BOD1L1: variants seen among roughly 807,000 people sequenced by gnomAD.
BOD1L1 encodes the protein biorientation of chromosomes in cell division protein 1-like 1.
Under a neutral mutation model 240.7 loss-of-function variants are expected in BOD1L1, and 86 were observed. That is an observed-to-expected ratio of 0.36 (90% CI 0.30 to 0.43). The LOEUF (loss-of-function observed/expected upper bound fraction) is 0.43, where lower values mean the gene tolerates loss of function less well. Among genes scored for constraint, BOD1L1 ranks in the 20% least tolerant of loss-of-function variants. BOD1L1 has a pLI of 1.00. For missense variants in BOD1L1, 3,554 were observed against 3,643.5 expected, an observed-to-expected ratio of 0.98 and a Z score of 0.63; for synonymous variants, 1,268 against 1,272.3, an observed-to-expected ratio of 1.00 and a Z score of 0.07.
At chr4:13,574,977 T>C (rs1174129301) in intron 25 of BOD1L1, among the ~76,000 whole-genome samples, 2 of 151,752 alleles carry the variant, frequency 1.3e-5, no homozygotes, top group African/African-American at 4.8e-5. Context: ...TGGAGTGCAA[T>C]GGCGTGATCT....
chr4:13,593,987 T>C (rs1385546008), intron 12 of BOD1L1, among the ~76,000 whole-genome samples: 4 of 152,200 alleles, frequency 2.6e-5, no homozygotes, highest in Non-Finnish European at 4.4e-5. Flanking sequence ...CTCAGGTTTT[T>C]GGCCAGGAAT....
At chr4:13,598,572 C>T (rs1418002410) in intron 10 of BOD1L1, among the ~76,000 whole-genome samples, 2 of 152,040 alleles carry the variant, frequency 1.3e-5, no homozygotes, top group African/African-American at 4.8e-5. Context: ...AAATGTATTG[C>T]TTTCATTGGG....
chr4:13,614,929 A>G, intron 3 of BOD1L1, 119 bp from the exon 4 acceptor site: 2 of 1,100,194 alleles, frequency 1.8e-6, no homozygotes, highest in Non-Finnish European at 2.5e-6. Context: ...GACCATCTGT[A>G]TATTCTTTTA....
At chr4:13,611,224 G>C in intron 5 of BOD1L1, 124 bp from the exon 6 acceptor site, 1 of 612,052 alleles carries the variant, frequency 1.6e-6, no homozygotes, top group Non-Finnish European at 2.7e-6. Context: ...AGGATGTGAA[G>C]ATTTCAGAAA....
rs536502574 is a variant in BOD1L1, at chr4:13,613,880, T to C, written c.1175-219A>G. 6.6e-6 allele frequency among the ~76,000 whole-genome samples: 1 copy of C among 152,268 alleles called. No homozygotes were observed. Among genetic ancestry groups the C allele is most frequent in the Admixed American group, 6.5e-5 (1 of 15,300 alleles). Reference sequence around the variant, plus strand: ...ATGTATGATATAATAATAAAATGAATTTTAAGTAACTGAAGTATTTACTAC... The same window carrying C: ...ATGTATGATATAATAATAAAATGAACTTTAAGTAACTGAAGTATTTACTAC... On this transcript the variant is annotated intron_variant, in intron 4 of 25. Transcript: ENST00000040738. The surrounding 1 kb of genome is among the most constrained non-coding windows in gnomAD (Gnocchi z 4.0).
intron 6 of BOD1L1, among the ~76,000 whole-genome samples, chr4:13,609,944 T>C (rs1373423401): frequency 1.3e-5 from 2 of 152,196 alleles, no homozygotes; most frequent in African/African-American, 4.8e-5. Flanking sequence ...GTCATTGTGC[T>C]ATTCCTACTA....
At chr4:13,598,554 T>TA (rs1045758787) in intron 10 of BOD1L1, among the ~76,000 whole-genome samples, 115 of 150,592 alleles carry the variant, frequency 7.6e-4, no homozygotes, top group African/African-American at 2.2e-3. Context: ...ATGAGGGTGG[T>TA]AAAAAAAAAA....
intron 17 of BOD1L1, among the ~76,000 whole-genome samples, chr4:13,585,519 C>T (rs147564751): frequency 1.3e-3 from 197 of 151,540 alleles, no homozygotes; most frequent in Middle Eastern, 3.4e-3. Context: ...CAACAAGAGA[C>T]GGCAGAACAC....
intron 16 of BOD1L1, 107 bp from the exon 17 acceptor site, chr4:13,586,582 T>C (rs1713709040): frequency 3.4e-6 from 2 of 595,830 alleles, no homozygotes; most frequent in Non-Finnish European, 5.5e-6. Context: ...AGGCCTGTGA[T>C]ACAGAGAAGC....
At chr4:13,615,577 C>G in intron 2 of BOD1L1, 75 bp from the exon 3 acceptor site, 2 of 1,312,116 alleles carry the variant, frequency 1.5e-6, no homozygotes, top group East Asian at 2.5e-5. Flanking sequence ...AAATAACACT[C>G]TACAATCTGT....
chr4:13,577,101 A>T, intron 24 of BOD1L1, 110 bp from the exon 25 acceptor site: 5 of 1,316,520 alleles, frequency 3.8e-6, no homozygotes, highest in Non-Finnish European at 5.2e-6. Flanking sequence ...GAGGCAGAGA[A>T]ATGGTTTTCC....
chr4:13,595,721 C>A, intron 12 of BOD1L1, 139 bp downstream of exon 12: 1 of 592,022 alleles, frequency 1.7e-6, no homozygotes, highest in Non-Finnish European at 2.9e-6. Context: ...AAGAATTCTC[C>A]CTAATCTATT....
chr4:13,618,301 T>C (rs1245392079), intron 2 of BOD1L1, among the ~76,000 whole-genome samples: 1 of 152,204 alleles, frequency 6.6e-6, no homozygotes, highest in East Asian at 1.9e-4. Flanking sequence ...CAATCATTTG[T>C]GAACAGGGAG....
intron 18 of BOD1L1, 96 bp from the exon 19 acceptor site, chr4:13,582,406 C>A (rs1577318283): frequency 7.9e-6 from 7 of 889,216 alleles, no homozygotes; most frequent in Non-Finnish European, 1.1e-5. Context: ...CCACACATAA[C>A]CACACACTCC....
In BOD1L1 at chr4:13,602,807, G is replaced by T; in HGVS notation, c.4093C>A (p.His1365Asn). The change falls in exon 10 of 26, where the codon CAC becomes AAC. Residue 1365 changes from histidine to asparagine, a missense_variant. By Grantham distance (68) the His-to-Asn change is moderately conservative (BLOSUM62 1). Coordinates refer to ENST00000040738, the MANE Select transcript of BOD1L1 (RefSeq NM_148894.3). ...GTAGCCTGGTGAGCTTCTGGAATGT[G>T]TCTTTTGCTAGTGATGCTTGCTTTT... ...PAKASITSKR[H>N]IPEAHQATLL... 1 of 1,613,994 alleles carries T rather than the reference G, an allele frequency of 6.2e-7. No individual in the cohort carries two copies. The highest frequency in any genetic ancestry group is 8.5e-7 in the Non-Finnish European group (1 of 1,179,882).
rs769712928 is a variant in BOD1L1 at position 13,602,724 on chromosome 4, G to A, written c.4176C>T (p.Gly1392=). The A allele has an allele frequency of 2.0e-5, 32 of 1,613,712 alleles. No individual in the cohort carries two copies. Among genetic ancestry groups the A allele is most frequent in the African/African-American group, 6.7e-5 (5 of 74,848 alleles). ...TAATATTCTCATTTTCCACAATCAC[G>A]CCCGTTAACTTACTTCCAAGAGGCA... The part of the protein sequence containing the change: ...VIMPLGSKLT[G]VIVENENITK... The change falls in exon 10 of 26, where the codon GGC becomes GGT. Residue 1392 remains glycine, a synonymous_variant. Coordinates refer to ENST00000040738, the MANE Select transcript of BOD1L1 (RefSeq NM_148894.3).
intron 6 of BOD1L1, among the ~76,000 whole-genome samples, chr4:13,610,566 G>A (rs949551531): frequency 2.0e-5 from 3 of 152,134 alleles, no homozygotes; most frequent in African/African-American, 4.8e-5. Context: ...ACATTGTATC[G>A]AATACTCTTC....
At chr4:13,598,481 A>G (rs977106603) in intron 10 of BOD1L1, among the ~76,000 whole-genome samples, 9 of 152,164 alleles carry the variant, frequency 5.9e-5, no homozygotes, top group African/African-American at 1.9e-4. Flanking sequence ...TTTTTCCTCT[A>G]AAAGTCACCC....
At chr4:13,577,039 A>C in intron 24 of BOD1L1, 48 bp from the exon 25 acceptor site, 3 of 1,597,114 alleles carry the variant, frequency 1.9e-6, no homozygotes, top group Non-Finnish European at 2.6e-6. Flanking sequence ...TCCCAAAGAT[A>C]CTTCCAAGAG....
Sources: gnomAD v4.1 joint callset for allele counts (sites outside exome capture counted in the v4.1 genomes callset) on GRCh38, gnomAD v4.1.1 for gene constraint, Gnocchi (gnomAD v3.1) non-coding constraint, MANE v1.5 for transcripts, NCBI Gene and HGNC (gene_info 2026-07-23, HGNC 2026-07-21) for gene names.